Variants in ZNF883 observed in about 807,000 individuals in gnomAD.
ZNF883 encodes zinc finger protein 883.
At chr9:113,003,629 A>T (rs1379439236) in intron 2 of ZNF883, among the ~76,000 whole-genome samples, 1 of 152,050 alleles carries the variant, frequency 6.6e-6, no homozygotes, top group Non-Finnish European at 1.5e-5. Context: ...GGGAATAAGG[A>T]TAGATTTTTC....
intron 2 of ZNF883, among the ~76,000 whole-genome samples, chr9:113,004,325 G>A (rs1214847007): frequency 6.6e-6 from 1 of 152,192 alleles, no homozygotes. Context: ...TACCCAATTT[G>A]TGGCACATTG....
chr9:113,009,629 C>A (rs1453993632), intron 2 of ZNF883, among the ~76,000 whole-genome samples: 1 of 152,138 alleles, frequency 6.6e-6, no homozygotes, highest in Non-Finnish European at 1.5e-5. Flanking sequence ...CCTGCCTCAG[C>A]CTCCCGAGTA....
At chr9:113,011,719 G>A (rs1242582954) in intron 1 of ZNF883, among the ~76,000 whole-genome samples, 2 of 152,090 alleles carry the variant, frequency 1.3e-5, no homozygotes, top group Non-Finnish European at 2.9e-5. Context: ...ATTCTAGTTG[G>A]CACTAAATAC....
chr9:112,989,089 T>G (rs1333201244), intron 1 of ZNF883, among the ~76,000 whole-genome samples: 1 of 152,222 alleles, frequency 6.6e-6, no homozygotes, highest in African/African-American at 2.4e-5. Context: ...TTCTGTTCAC[T>G]CTGATGATAG....
chr9:112,995,038 G>A (rs1422935862), downstream of ZNF883, among the ~76,000 whole-genome samples: 6 of 152,126 alleles, frequency 3.9e-5, no homozygotes, highest in Non-Finnish European at 1.5e-5. Context: ...GTGTCAACTT[G>A]ACGGTCCAAA....
At chr9:113,004,426 T>A (rs150315371) in intron 2 of ZNF883, among the ~76,000 whole-genome samples, 1 of 152,284 alleles carries the variant, frequency 6.6e-6, no homozygotes, top group Non-Finnish European at 1.5e-5. Context: ...TCAAAATTCA[T>A]ATGTTGAAAT....
At chr9:113,009,226 C>T (rs898657736) in intron 2 of ZNF883, among the ~76,000 whole-genome samples, 3 of 152,072 alleles carry the variant, frequency 2.0e-5, no homozygotes, top group Non-Finnish European at 4.4e-5. Context: ...ACAATAACAC[C>T]GAACACCATC....
Position 112,997,803 on chromosome 9 carries a change from A to G in ZNF883, n.457T>C, listed in dbSNP as rs771019499. The stretch of plus-strand genomic sequence containing the variant: ...GTTTTTCCACATTCAGTACATTCAT[A>G]TGGTTTCTTTCCAGTATGAATTCTA... On this transcript the variant is annotated non_coding_transcript_exon_variant, in exon 1 of 1. Coordinates refer to ENST00000639662, the Ensembl canonical transcript of ZNF883. The G allele has an allele frequency of 5.0e-6, 8 of 1,613,224 alleles. No homozygotes were observed. In the African/African-American group the frequency reaches 6.7e-5, roughly 13 times the overall value.
chr9:113,005,396 AC>A (rs1210334847), intron 2 of ZNF883, among the ~76,000 whole-genome samples: 4 of 152,184 alleles, frequency 2.6e-5, no homozygotes, highest in African/African-American at 9.6e-5. Context: ...AGAAATACAA[AC>A]GATCAATATA....
chr9:112,998,668 TTGTC>T (rs1350168092), upstream of ZNF883: 2 of 154,340 alleles, frequency 1.3e-5, no homozygotes, highest in East Asian at 1.9e-4. Flanking sequence ...AATCATTTCT[TTGTC>T]TGGTGTATCT....
At chr9:113,007,719 A>G (rs1828492216) in intron 2 of ZNF883, among the ~76,000 whole-genome samples, 2 of 152,224 alleles carry the variant, frequency 1.3e-5, no homozygotes, top group South Asian at 4.1e-4. Flanking sequence ...ATGTCAGTGC[A>G]TTTGAGTTAG....
intron 2 of ZNF883, among the ~76,000 whole-genome samples, chr9:113,005,016 AAAT>A (rs947909603): frequency 6.6e-6 from 1 of 152,118 alleles, no homozygotes; most frequent in African/African-American, 2.4e-5. Context: ...CTTAGGGAAA[AAAT>A]AAATTCAAAG....
intron 2 of ZNF883, among the ~76,000 whole-genome samples, chr9:113,008,050 T>C (rs1486591273): frequency 2.6e-5 from 4 of 151,346 alleles, no homozygotes; most frequent in African/African-American, 4.9e-5. Flanking sequence ...GCCATTCAAA[T>C]GACCCTGAGT....
intron 1 of ZNF883, among the ~76,000 whole-genome samples, chr9:112,991,093 C>G (rs1193103986): frequency 2.0e-5 from 3 of 151,818 alleles, no homozygotes; most frequent in Admixed American, 1.3e-4. Flanking sequence ...TTATTTGTGT[C>G]TCTATCCACT....
chr9:112,991,137 T>G (rs1263744012), intron 1 of ZNF883, among the ~76,000 whole-genome samples: 1 of 152,106 alleles, frequency 6.6e-6, no homozygotes, highest in Admixed American at 6.5e-5. Context: ...TCTGCTAGCT[T>G]TGGGTTTGTT....
rs866722043 is a variant in ZNF883 at position 113,004,145 on chromosome 9, G to A, written n.166-2072C>T. On this transcript the variant is annotated intron_variant and non_coding_transcript_variant, in intron 2 of 4. Transcript: ENST00000638622. ...ATGAAAGAGCAGAGAACAGAGTTAC[G>A]CAGCTGAAAGCTGAGGAATACCAAA... Among the ~76,000 whole-genome samples, 9 of 152,312 alleles carry A rather than the reference G, an allele frequency of 5.9e-5. No homozygotes were observed. The South Asian group carries it at 6.2e-4, about 11-fold the overall frequency.
intron 2 of ZNF883, among the ~76,000 whole-genome samples, chr9:113,007,588 T>G (rs936006120): frequency 6.6e-6 from 1 of 152,242 alleles, no homozygotes; most frequent in Non-Finnish European, 1.5e-5. Flanking sequence ...GCCATCCAAC[T>G]GTAAGTTCCT....
exon 1 of ZNF883, chr9:112,997,851 T>G: frequency 6.2e-7 from 1 of 1,613,358 alleles, no homozygotes; most frequent in Non-Finnish European, 8.5e-7. Context: ...AGGGCAGAGA[T>G]ATGGCTGAAA....
upstream of ZNF883, chr9:112,998,555 T>C (rs1481302402): frequency 4.3e-6 from 1 of 231,264 alleles, no homozygotes; most frequent in Non-Finnish European, 8.3e-6. Flanking sequence ...AAATATTATA[T>C]GGAAAATTCC....
Sources: allele counts gnomAD v4.1 joint callset (sites outside exome capture counted in the v4.1 genomes callset), GRCh38; gene constraint gnomAD v4.1.1; transcripts MANE v1.5; gene names NCBI Gene and HGNC (gene_info 2026-07-23, HGNC 2026-07-21).